The following AGBL1 variants were observed in gnomAD, a reference collection of about 807,000 sequenced individuals.
AGBL1 encodes cytosolic carboxypeptidase 4.
In AGBL1, 130 loss-of-function variants were observed where a neutral mutation model predicts 118.9. That is an observed-to-expected ratio of 1.09 (90% CI 0.95 to 1.26). The LOEUF (loss-of-function observed/expected upper bound fraction) is 1.26, where lower values mean the gene tolerates loss of function less well. AGBL1 is among the 50% of genes most tolerant of loss of function. AGBL1 has a pLI of 0.00. For synonymous variants in AGBL1, 555 were observed against 478.9 expected (o/e 1.16, Z -2.08); for missense variants, 1,584 against 1,298.1 (o/e 1.22, Z -3.38).
intron 22 of AGBL1, among the ~76,000 whole-genome samples, chr15:86,802,765 A>G (rs1465217918): frequency 6.6e-6 from 1 of 152,148 alleles, no homozygotes; most frequent in African/African-American, 2.4e-5. Context: ...AAGGTGAGCT[A>G]TAAGTATTTG....
chr15:86,260,501 G>A (rs1447529305), intron 9 of AGBL1, among the ~76,000 whole-genome samples: 1 of 152,194 alleles, frequency 6.6e-6, no homozygotes, highest in Admixed American at 6.5e-5. Context: ...TAAACAGAGT[G>A]AATTCAAGCT....
Position 86,233,809 on chromosome 15 carries a change from C to A in AGBL1, c.526+8858C>A, listed in dbSNP as rs147487816. Among the ~76,000 whole-genome samples, 15 of 152,300 alleles carry A rather than the reference C, an allele frequency of 9.8e-5. No homozygotes were observed. The East Asian group carries it at 2.9e-3, about 29-fold the overall frequency. ...TTCTGAGTCTCTTGGGACTAACAGA[C>A]CTAATGAAACAATTGAACTGAACCT... On this transcript the variant is annotated intron_variant, in intron 6 of 22. Coordinates refer to ENST00000614907, the MANE Select transcript of AGBL1 (RefSeq NM_001386094.1).
intron 1 of AGBL1, among the ~76,000 whole-genome samples, chr15:86,112,747 C>G (rs1251098930): frequency 6.6e-6 from 1 of 152,202 alleles, no homozygotes; most frequent in Non-Finnish European, 1.5e-5. Flanking sequence ...CTCACCCTCA[C>G]CAGGGCTGGA....
chr15:86,260,298 C>T (rs926690100), intron 9 of AGBL1, among the ~76,000 whole-genome samples: 3 of 152,150 alleles, frequency 2.0e-5, no homozygotes, highest in African/African-American at 7.2e-5. Flanking sequence ...TCCCATTTGA[C>T]AATCTTAGGT....
intron 16 of AGBL1, among the ~76,000 whole-genome samples, chr15:86,286,051 C>T (rs1182594567): frequency 2.0e-5 from 3 of 152,034 alleles, no homozygotes; most frequent in Non-Finnish European, 4.4e-5. Flanking sequence ...TGTAATATCA[C>T]AGAATGACGA....
intron 22 of AGBL1, among the ~76,000 whole-genome samples, chr15:86,791,539 T>C (rs1187545350): frequency 6.6e-6 from 1 of 152,118 alleles, no homozygotes. Flanking sequence ...TAAAGTCAGC[T>C]GGAACTCAGA....
chr15:86,435,367 G>T (rs897133563), intron 18 of AGBL1, among the ~76,000 whole-genome samples: 2 of 152,186 alleles, frequency 1.3e-5, no homozygotes, highest in African/African-American at 2.4e-5. Flanking sequence ...ACTAAGTATT[G>T]TGAGGATTAT....
intron 20 of AGBL1, among the ~76,000 whole-genome samples, chr15:86,550,958 T>C (rs942991582): frequency 2.0e-5 from 3 of 151,940 alleles, no homozygotes; most frequent in Admixed American, 1.3e-4. Context: ...TATTTGGAAA[T>C]TAAACAATTT....
In AGBL1 at chr15:86,256,954, C is replaced by G. The variant is rs774882154; in HGVS notation, c.837C>G (p.Ser279Arg). The change falls in exon 8 of 23, where the codon AGC becomes AGG. Residue 279 changes from serine to arginine, a missense_variant. By Grantham distance (110) the Ser-to-Arg change is moderately radical. Transcript: ENST00000614907. ...PTSPLPLVTASSAYAFPVPGC... is the reference protein window; with the variant it reads ...PTSPLPLVTARSAYAFPVPGC... Reference sequence around the variant, plus strand: ...GTCCACTTCCCTTGGTCACAGCCAGCAGTGCCTATGCCTTCCCGGTCCCCG... The same window carrying G: ...GTCCACTTCCCTTGGTCACAGCCAGGAGTGCCTATGCCTTCCCGGTCCCCG... 1 of 1,613,864 alleles carries G rather than the reference C, an allele frequency of 6.2e-7. No individual in the cohort carries two copies. Among genetic ancestry groups the G allele is most frequent in the Non-Finnish European group, 8.5e-7 (1 of 1,179,888 alleles).
At chr15:86,436,672 A>G (rs1367648) in intron 18 of AGBL1, among the ~76,000 whole-genome samples, 57,310 of 152,086 alleles carry the variant, frequency 0.38, 11,324 homozygotes, top group East Asian at 0.68. Context: ...TTATATTAGT[A>G]ATAATATTTG....
chr15:86,236,942 C>A (rs28582969), intron 6 of AGBL1, among the ~76,000 whole-genome samples: 1 of 43,022 alleles, frequency 2.3e-5, no homozygotes, highest in Non-Finnish European at 3.8e-5. Flanking sequence ...CGGGGGGGGG[C>A]GGGGGGGGGC....
At chr15:86,354,491 T>A (rs1396399810) in intron 17 of AGBL1, among the ~76,000 whole-genome samples, 3 of 152,164 alleles carry the variant, frequency 2.0e-5, no homozygotes, top group Non-Finnish European at 4.4e-5. Flanking sequence ...GTAGAAGACA[T>A]CACTAGGAAT....
intron 24 of AGBL1, among the ~76,000 whole-genome samples, chr15:86,998,565 G>C (rs1236573861): frequency 6.6e-6 from 1 of 152,156 alleles, no homozygotes; most frequent in East Asian, 1.9e-4. Context: ...TAGACTTAGA[G>C]AAATTGAAAA....
At chr15:86,187,603 A>C (rs2077653421) in intron 5 of AGBL1, among the ~76,000 whole-genome samples, 1 of 152,160 alleles carries the variant, frequency 6.6e-6, no homozygotes, top group Admixed American at 6.5e-5. Context: ...AGCTGTGGTG[A>C]GATTGAAGTG....
intron 23 of AGBL1, among the ~76,000 whole-genome samples, chr15:86,947,023 A>T (rs913492922): frequency 6.6e-6 from 1 of 152,106 alleles, no homozygotes; most frequent in Non-Finnish European, 1.5e-5. Flanking sequence ...GGATGTGGCA[A>T]TACTCCCTGC....
chr15:86,332,021 A>AAGAGACTCATCTCACACAT (rs2080278215), intron 17 of AGBL1, among the ~76,000 whole-genome samples: 1 of 152,248 alleles, frequency 6.6e-6, no homozygotes. Flanking sequence ...TGCTGTTTTC[A>AAGAGACTCATCTCACACAT]AGAGACTCAT....
Position 86,300,170 on chromosome 15 carries a change from T to G in AGBL1, c.2374+4762T>G, listed in dbSNP as rs140709010. Among the ~76,000 whole-genome samples, 140 of 152,264 alleles carry G rather than the reference T, an allele frequency of 9.2e-4. No individual in the cohort carries two copies. In the Middle Eastern group the frequency reaches 0.01, roughly 11 times the overall value. Reference sequence around the variant, plus strand: ...GTCTTACTGGACTATTACCCAGAAATGCACACAACCAGAACACACTACTTA... The same window carrying G: ...GTCTTACTGGACTATTACCCAGAAAGGCACACAACCAGAACACACTACTTA... On this transcript the variant is annotated intron_variant, in intron 17 of 22. Coordinates refer to ENST00000614907, the MANE Select transcript of AGBL1 (RefSeq NM_001386094.1).
chr15:86,120,838 A>G (rs192497549), intron 1 of AGBL1, among the ~76,000 whole-genome samples: 18 of 152,088 alleles, frequency 1.2e-4, no homozygotes, highest in Admixed American at 1.1e-3. Context: ...TTTTGGGCTC[A>G]TGTATTTCCT....
At chr15:86,772,934 A>C (rs79848609) in intron 22 of AGBL1, among the ~76,000 whole-genome samples, 4,649 of 152,102 alleles carry the variant, frequency 0.031, 101 homozygotes, top group Non-Finnish European at 0.046. Context: ...AAATGGAGAT[A>C]AGTTATCATA....
Sources: gnomAD v4.1 joint callset for allele counts (sites outside exome capture counted in the v4.1 genomes callset) on GRCh38, gnomAD v4.1.1 for gene constraint, MANE v1.5 for transcripts, NCBI Gene and HGNC (gene_info 2026-07-23, HGNC 2026-07-21) for gene names.